The following KLHDC4 variants were observed in gnomAD, a reference collection of about 807,000 sequenced individuals.
The protein encoded by KLHDC4 is kelch domain-containing protein 4.
KLHDC4 carries 90 observed loss-of-function variants against 62.4 expected under a neutral mutation model. That is an observed-to-expected ratio of 1.44 (90% CI 1.22 to 1.72). KLHDC4 has a LOEUF of 1.72. KLHDC4 is among the 40% of genes most tolerant of loss of function. The pLI is 0.00. For synonymous variants in KLHDC4, 386 were observed against 284.4 expected, an observed-to-expected ratio of 1.36 and a Z score of -3.59; for missense variants, 1,025 against 699.7, an observed-to-expected ratio of 1.47 and a Z score of -5.25.
At chr16:87,733,037 G>T (rs1401242802) in intron 5 of KLHDC4, among the ~76,000 whole-genome samples, 1 of 139,856 alleles carries the variant, frequency 7.2e-6, no homozygotes, top group Non-Finnish European at 1.5e-5. Flanking sequence ...TTCTATCGGT[G>T]AAAAGGCAGG....
chr16:87,750,287 G>T (rs982163204), intron 4 of KLHDC4: 2 of 152,280 alleles, frequency 1.3e-5, no homozygotes, highest in Non-Finnish European at 2.9e-5. Context: ...CACGCTCCTA[G>T]GCAGTCTGTG....
intron 7 of KLHDC4, among the ~76,000 whole-genome samples, chr16:87,724,903 C>T (rs760858996): frequency 1.2e-4 from 18 of 152,214 alleles, no homozygotes; most frequent in Non-Finnish European, 1.5e-4. Context: ...ATAGCAGCTT[C>T]AGTCACAGCT....
chr16:87,698,584 C>A (rs1320355953), exon 1 of KLHDC4: 1 of 152,266 alleles, frequency 6.6e-6, no homozygotes, highest in Non-Finnish European at 1.5e-5. Flanking sequence ...ACCTAGAAAA[C>A]CAAGGCGAGA....
At chr16:87,744,996 A>T (rs1224441843) in intron 5 of KLHDC4, among the ~76,000 whole-genome samples, 1 of 151,834 alleles carries the variant, frequency 6.6e-6, no homozygotes, top group Non-Finnish European at 1.5e-5. Flanking sequence ...CGCGGTGCAC[A>T]CACGTGTACA....
At chr16:87,702,743 C>T (rs1012272796), upstream of KLHDC4, among the ~76,000 whole-genome samples, 3 of 152,364 alleles carry the variant, frequency 2.0e-5, no homozygotes, top group Admixed American at 6.5e-5. Flanking sequence ...TCTGTGAACT[C>T]GGACAGGAAA....
intron 8 of KLHDC4, among the ~76,000 whole-genome samples, chr16:87,712,809 G>A (rs1050689787): frequency 6.6e-6 from 1 of 152,228 alleles, no homozygotes; most frequent in Non-Finnish European, 1.5e-5. Flanking sequence ...TGGGGAGGCT[G>A]GAGAACTTGC....
Position 87,726,839 on chromosome 16 carries a change from T to A in KLHDC4, c.685A>T (p.Thr229Ser), listed in dbSNP as rs74931760. The A allele has an allele frequency of 3.7e-6, 6 of 1,612,482 alleles. No homozygotes were observed. In the Admixed American group the frequency reaches 5.0e-5, roughly 13 times the overall value. ...GACATCTGGCAGCCTGATCTGGGTG[T>A]GGGCCCCGTCCCTGACGGGGACAGC... is the stretch of plus-strand genomic sequence containing the variant. The part of the protein sequence containing the change: ...SKLSPSGTGP[T>S]PRSGCQMSVT... The change falls in exon 7 of 12, where the codon ACA (threonine) becomes TCA (serine). Residue 229 changes from threonine (T) to serine (S), a missense_variant. Thr to Ser is a moderately conservative substitution (Grantham distance 58). Coordinates refer to ENST00000270583, the MANE Select transcript of KLHDC4 (RefSeq NM_017566.4).
intron 1 of KLHDC4, 179 bp from the exon 2 acceptor site, chr16:87,762,219 T>C: frequency 7.5e-7 from 1 of 1,341,950 alleles, no homozygotes; most frequent in South Asian, 1.6e-5. Context: ...AACCAGAGCT[T>C]GACCTCAAAG....
chr16:87,732,097 CTTTTT>C (rs61370494), intron 5 of KLHDC4, among the ~76,000 whole-genome samples: 1 of 132,244 alleles, frequency 7.6e-6, no homozygotes. Context: ...GTGCATATTT[CTTTTT>C]TTTTTTTTTT....
chr16:87,715,519 G>A (rs567508505), intron 7 of KLHDC4, among the ~76,000 whole-genome samples: 4 of 152,218 alleles, frequency 2.6e-5, no homozygotes, highest in South Asian at 2.1e-4. Context: ...TCGTCCTGTC[G>A]CCTCCTCAGG....
At chr16:87,714,828 G>A (rs1001717438) in intron 7 of KLHDC4, among the ~76,000 whole-genome samples, 2 of 152,158 alleles carry the variant, frequency 1.3e-5, no homozygotes, top group African/African-American at 4.8e-5. Context: ...GTTCCTGTCG[G>A]GGCACGCACA....
intron 2 of KLHDC4, among the ~76,000 whole-genome samples, chr16:87,756,818 T>A (rs2045017494): frequency 6.6e-6 from 1 of 152,098 alleles, no homozygotes; most frequent in East Asian, 1.9e-4. Flanking sequence ...TTGATTTGTT[T>A]TTTTTCATTT....
At chr16:87,708,964 G>A (rs772191964) in intron 10 of KLHDC4, among the ~76,000 whole-genome samples, 5 of 152,240 alleles carry the variant, frequency 3.3e-5, no homozygotes, top group Non-Finnish European at 7.3e-5. Context: ...GGCCCGGCTC[G>A]GACGGCCATC....
At chr16:87,700,263 C>T in exon 1 of KLHDC4, 1 of 155,002 alleles carries the variant, frequency 6.5e-6, no homozygotes, top group Middle Eastern at 5.3e-4. Context: ...AACTTGACAT[C>T]AAGGTGCCTA....
At chr16:87,709,193 C>T (rs1292370430) in intron 10 of KLHDC4, 72 bp downstream of exon 10, 3 of 1,536,550 alleles carry the variant, frequency 2.0e-6, no homozygotes, top group Non-Finnish European at 2.6e-6. Flanking sequence ...GCAGGGCTTG[C>T]TTTCGAGGGA....
At chr16:87,716,174 A>C (rs889779611) in intron 7 of KLHDC4, among the ~76,000 whole-genome samples, 15 of 149,892 alleles carry the variant, frequency 1.0e-4, no homozygotes, top group African/African-American at 3.7e-4. Context: ...TCTCGTGGAT[A>C]TTGACGTAGA....
chr16:87,746,837 T>C (rs2043111085), intron 5 of KLHDC4, among the ~76,000 whole-genome samples: 2 of 152,224 alleles, frequency 1.3e-5, no homozygotes, highest in Non-Finnish European at 2.9e-5. Flanking sequence ...ACAATATACC[T>C]TTAAAACAGG....
At chr16:87,731,916 C>G (rs887185569) in intron 5 of KLHDC4, among the ~76,000 whole-genome samples, 1 of 152,106 alleles carries the variant, frequency 6.6e-6, no homozygotes, top group African/African-American at 2.4e-5. Flanking sequence ...TTAAAAACAT[C>G]TCGCTGAAGG....
chr16:87,727,185 C>A (rs1333887227), intron 6 of KLHDC4, among the ~76,000 whole-genome samples: 1 of 151,876 alleles, frequency 6.6e-6, no homozygotes, highest in Non-Finnish European at 1.5e-5. Flanking sequence ...AACATTTTCA[C>A]CTGTTTAATT....
Sources: gnomAD v4.1 joint callset for allele counts (sites outside exome capture counted in the v4.1 genomes callset) on GRCh38, gnomAD v4.1.1 for gene constraint, MANE v1.5 for transcripts, NCBI Gene and HGNC (gene_info 2026-07-23, HGNC 2026-07-21) for gene names.